Variants in RYR3 observed in about 807,000 individuals in gnomAD.
RYR3 encodes ryanodine receptor 3, also known as brain ryanodine receptor-calcium release channel.
A neutral mutation model predicts 584.3 loss-of-function variants in RYR3; 207 were observed. That is an observed-to-expected ratio of 0.35 (90% CI 0.32 to 0.40). RYR3 has a LOEUF of 0.40. RYR3 is among the 10% of genes least tolerant of loss of function. The pLI, the probability that RYR3 is intolerant of heterozygous loss-of-function variation, is 1.00. For synonymous variants in RYR3, 2,416 were observed against 2,248.5 expected (o/e 1.07, Z -2.11); for missense variants, 5,616 against 6,089.2 (o/e 0.92, Z 2.59).
intron 1 of RYR3, among the ~76,000 whole-genome samples, chr15:33,462,071 T>C (rs2048083369): frequency 6.6e-6 from 1 of 152,244 alleles, no homozygotes; most frequent in Non-Finnish European, 1.5e-5. Flanking sequence ...TCAGAGGCCT[T>C]ATATGTTCCA....
intron 53 of RYR3, among the ~76,000 whole-genome samples, chr15:33,747,842 T>A (rs569107261): frequency 6.6e-6 from 1 of 152,332 alleles, no homozygotes; most frequent in South Asian, 2.1e-4. Context: ...CTCCCATTCC[T>A]GTTCTTCGTC....
intron 2 of RYR3, among the ~76,000 whole-genome samples, chr15:33,487,913 C>T (rs899391766): frequency 6.6e-6 from 1 of 152,166 alleles, no homozygotes; most frequent in African/African-American, 2.4e-5. Flanking sequence ...CATTGCTCCT[C>T]ACGTTCTGCT....
At position 33,385,710 on chromosome 15, in the gene RYR3, C is replaced by CTTTTTTTTT. The variant is rs10682215; in HGVS notation, c.51+74617_51+74625dup. On this transcript the variant is annotated intron_variant, in intron 1 of 103. Coordinates refer to ENST00000634891, the MANE Select transcript of RYR3 (RefSeq NM_001036.6). ...TTTTCTTTTTTTTTCTTTTTCTTTT[C>CTTTTTTTTT]TTTTTTTTTTTGAGACAGGGTCTCA... Among the ~76,000 whole-genome samples, 175 of 131,388 alleles carry CTTTTTTTTT rather than the reference C, an allele frequency of 1.3e-3. 5 individuals carry two copies. Among genetic ancestry groups the CTTTTTTTTT allele is most frequent in the African/African-American group, 5.0e-3 (170 of 34,052 alleles). The allele number at this position is 131,388 out of a possible 152,430, so 86.2% of individuals were successfully genotyped here.
At chr15:33,547,459 A>G (rs1435101) in intron 8 of RYR3, among the ~76,000 whole-genome samples, 110,218 of 152,122 alleles carry the variant, frequency 0.72, 41,377 homozygotes, top group Middle Eastern at 0.91. Context: ...CCCTGGTAAT[A>G]TAGGATGATA....
Position 33,660,413 on chromosome 15 carries a change from G to T in RYR3, c.4612G>T (p.Glu1538Ter). 2 of 1,562,260 alleles carry T rather than the reference G, an allele frequency of 1.3e-6. No individual in the cohort carries two copies. Among genetic ancestry groups the T allele is most frequent in the Non-Finnish European group, 1.7e-6 (2 of 1,152,904 alleles). ...GCAGATGATGGCGCTCCACATCCCC[G>T]AGGAGAACAGGTACCAGAGGGGCCC... is the stretch of plus-strand genomic sequence containing the variant. ...PLQMMALHIP[E>*]ENRCVDILEL... Residue 1538 changes from glutamate to a stop codon, truncating the protein, a stop_gained, in exon 34 of 104, where the codon GAG becomes TAG. Transcript: ENST00000634891. LOFTEE classifies it high-confidence loss of function.
At chr15:33,701,116 T>G in intron 42 of RYR3, 36 bp downstream of exon 42, 16 of 1,455,920 alleles carry the variant, frequency 1.1e-5, no homozygotes, top group Non-Finnish European at 1.3e-5. Context: ...TGGTGTTCTC[T>G]TCGGCCTGTA....
intron 81 of RYR3, 34 bp downstream of exon 81, chr15:33,823,106 A>C (rs2152960356): frequency 1.9e-6 from 3 of 1,578,702 alleles, no homozygotes; most frequent in Non-Finnish European, 1.7e-6. Context: ...GCATTTAAAA[A>C]ACTCTTCCCT....
chr15:33,408,697 G>T (rs1042092648), intron 1 of RYR3, among the ~76,000 whole-genome samples: 6 of 152,108 alleles, frequency 3.9e-5, no homozygotes, highest in Non-Finnish European at 5.9e-5. Flanking sequence ...ATTCTGACTA[G>T]TGTGATATGG....
At chr15:33,642,287 A>G (rs947457987) in intron 27 of RYR3, among the ~76,000 whole-genome samples, 1 of 152,176 alleles carries the variant, frequency 6.6e-6, no homozygotes, top group Non-Finnish European at 1.5e-5. Flanking sequence ...ATCCAGGTTC[A>G]TGGAGAATGG....
intron 67 of RYR3, among the ~76,000 whole-genome samples, chr15:33,800,311 A>G (rs1285056511): frequency 6.6e-6 from 1 of 152,212 alleles, no homozygotes; most frequent in Non-Finnish European, 1.5e-5. Flanking sequence ...AGTGCTCAGA[A>G]TTTCAGAGGT....
rs377163589 is a variant in RYR3, at chr15:33,683,503, T to C, written c.5861-12715T>C. Among the ~76,000 whole-genome samples the C allele has an allele frequency of 1.1e-3, 168 of 152,272 alleles. 2 individuals are homozygous for C. The highest frequency in any genetic ancestry group is 2.1e-3 in the South Asian group (10 of 4,826). ...TTGCTGTTTGAAAATCCTACCAAAA[T>C]TGGGGAGTCCATTCCAAGATGGCCA... On this transcript the variant is annotated intron_variant, in intron 38 of 103. Transcript: ENST00000634891.
intron 64 of RYR3, among the ~76,000 whole-genome samples, chr15:33,777,824 C>T (rs1253489082): frequency 3.3e-5 from 5 of 151,772 alleles, no homozygotes; most frequent in East Asian, 3.9e-4. Context: ...TGGATCTATC[C>T]AGTCCCAAGC....
rs41279212 is a variant in RYR3, at chr15:33,739,930, G to A, written c.7755G>A (p.Thr2585=). ...PDYLDTRITA[T]LEKQISVDAD... is the part of the protein sequence containing the mutation. ...ATTTAGATACCAGAATCACAGCCAC[G>A]TTGGAGAAACAGATCTCAGTGGATG... The change falls in exon 51 of 104, where the codon ACG becomes ACA. Residue 2585 remains threonine, a synonymous_variant. Coordinates refer to ENST00000634891, the MANE Select transcript of RYR3 (RefSeq NM_001036.6). 270,446 of 1,612,478 alleles carry A rather than the reference G, an allele frequency of 0.17. 24,173 individuals carry two copies. The highest frequency in any genetic ancestry group is 0.27 in the African/African-American group (20,427 of 74,864).
chr15:33,650,942 A>C (rs148940681), intron 31 of RYR3, among the ~76,000 whole-genome samples: 250 of 152,330 alleles, frequency 1.6e-3, no homozygotes, highest in African/African-American at 5.7e-3. Context: ...ATTGGAAAGG[A>C]AAGTATTCTA....
At chr15:33,776,065 C>A (rs1184853188) in intron 64 of RYR3, among the ~76,000 whole-genome samples, 1 of 152,138 alleles carries the variant, frequency 6.6e-6, no homozygotes, top group African/African-American at 2.4e-5. Context: ...TACAATGAAC[C>A]CACCATTTCT....
At chr15:33,826,587 T>G in intron 83 of RYR3, 85 bp from the exon 84 acceptor site, 1 of 1,174,630 alleles carries the variant, frequency 8.5e-7, no homozygotes, top group East Asian at 2.3e-5. Context: ...CACAACTCCT[T>G]TATCATCTGT....
chr15:33,485,688 A>G (rs1046724398), intron 2 of RYR3, among the ~76,000 whole-genome samples: 9 of 152,174 alleles, frequency 5.9e-5, no homozygotes, highest in Non-Finnish European at 8.8e-5. Context: ...AGGGTTGAAG[A>G]CCACTTGAGG....
At chr15:33,841,792 T>C (rs2078383456) in intron 90 of RYR3, 72 bp from the exon 91 acceptor site, 1 of 1,465,610 alleles carries the variant, frequency 6.8e-7, no homozygotes, top group Admixed American at 2.3e-5. Flanking sequence ...GATTTCTCTT[T>C]AATCTAGTCT....
intron 102 of RYR3, 53 bp downstream of exon 102, chr15:33,861,231 A>G: frequency 2.3e-6 from 3 of 1,314,376 alleles, no homozygotes; most frequent in Non-Finnish European, 3.2e-6. Flanking sequence ...AAATAAAGCC[A>G]ATTAGGTCAT....
Sources: allele counts gnomAD v4.1 joint callset (sites outside exome capture counted in the v4.1 genomes callset), GRCh38; gene constraint gnomAD v4.1.1; transcripts MANE v1.5; gene names NCBI Gene and HGNC (gene_info 2026-07-23, HGNC 2026-07-21).